Variants in NAV2 observed in about 807,000 individuals in gnomAD.
NAV2 encodes the protein neuron navigator 2.
In NAV2, 54 loss-of-function variants were observed where a neutral mutation model predicts 223.2. The observed-to-expected ratio is 0.24, with a 90% CI of 0.19 to 0.30. The LOEUF is 0.30. Ranked by LOEUF, NAV2 falls within the 10% of genes least tolerant of loss-of-function variation. The pLI, the probability that NAV2 is intolerant of heterozygous loss-of-function variation, is 1.00. For synonymous variants in NAV2, 1,279 were observed against 1,239.3 expected, an observed-to-expected ratio of 1.03 and a Z score of -0.67; for missense variants, 2,806 against 3,147.5, an observed-to-expected ratio of 0.89 and a Z score of 2.60.
chr11:20,022,815 G>A (rs2054624485), intron 11 of NAV2: 20 of 1,261,580 alleles, frequency 1.6e-5, no homozygotes, highest in Middle Eastern at 3.0e-4. Context: ...TCAGAGTTTG[G>A]TGTTAGCTTT....
chr11:19,729,120 T>C (rs943845309), intron 1 of NAV2, among the ~76,000 whole-genome samples: 1 of 151,854 alleles, frequency 6.6e-6, no homozygotes, highest in African/African-American at 2.4e-5. Flanking sequence ...ACCAAGTGAG[T>C]GTGCATAAGA....
At position 19,766,002 on chromosome 11, in the gene NAV2, C is replaced by T. The variant is rs185443108; in HGVS notation, c.267+52040C>T. On this transcript the variant is annotated intron_variant, in intron 1 of 37. Transcript: ENST00000349880. ...CAGGGCAGGTGCCAGCTTTGTCTGT[C>T]TCATTCCTCACTCTCCCTCCCTATC... Among the ~76,000 whole-genome samples, 28 of 152,276 alleles carry T rather than the reference C, an allele frequency of 1.8e-4. No individual in the cohort carries two copies. The East Asian group carries it at 2.7e-3, about 15-fold the overall frequency.
intron 1 of NAV2, among the ~76,000 whole-genome samples, chr11:19,618,044 C>G (rs1008879935): frequency 3.9e-5 from 6 of 152,256 alleles, no homozygotes; most frequent in Non-Finnish European, 7.3e-5. Context: ...TCATCATCTT[C>G]TCACATACTC....
chr11:19,604,931 T>G (rs547376531), intron 1 of NAV2, among the ~76,000 whole-genome samples: 1 of 152,326 alleles, frequency 6.6e-6, no homozygotes, highest in Middle Eastern at 3.4e-3. Flanking sequence ...AGACATGACT[T>G]GCTCCTCCTT....
chr11:19,647,664 G>A (rs1321935903), intron 1 of NAV2, among the ~76,000 whole-genome samples: 2 of 152,126 alleles, frequency 1.3e-5, no homozygotes, highest in South Asian at 2.1e-4. Flanking sequence ...TGCTGTGTCT[G>A]TAGCCAGTCA....
At chr11:19,675,584 A>G (rs551743934) in intron 1 of NAV2, among the ~76,000 whole-genome samples, 90 of 152,356 alleles carry the variant, frequency 5.9e-4, no homozygotes, top group African/African-American at 1.9e-3. Flanking sequence ...TAGGTGTTCA[A>G]TAAATACCTG....
At chr11:19,586,136 C>T (rs1026874137) in intron 1 of NAV2, among the ~76,000 whole-genome samples, 1 of 152,294 alleles carries the variant, frequency 6.6e-6, no homozygotes, top group African/African-American at 2.4e-5. Context: ...CATTTATCTT[C>T]CATCACTGAT....
chr11:19,546,088 A>G (rs1399201199), intron 1 of NAV2, among the ~76,000 whole-genome samples: 1 of 152,080 alleles, frequency 6.6e-6, no homozygotes, highest in Non-Finnish European at 1.5e-5. Context: ...ATGGAGCTCA[A>G]TTTTAAAACC....
chr11:20,110,669 C>G (rs2062548933), intron 36 of NAV2, among the ~76,000 whole-genome samples: 1 of 152,162 alleles, frequency 6.6e-6, no homozygotes, highest in African/African-American at 2.4e-5. Flanking sequence ...CTTGGGGAAC[C>G]AAATACTGAA....
At chr11:19,517,304 TC>T (rs939518938) in intron 1 of NAV2, among the ~76,000 whole-genome samples, 7 of 152,190 alleles carry the variant, frequency 4.6e-5, no homozygotes, top group African/African-American at 1.4e-4. Flanking sequence ...GGCATTTATC[TC>T]CCTGGTTTAA....
chr11:20,027,486 TG>T, intron 11 of NAV2: 2 of 982,694 alleles, frequency 2.0e-6, no homozygotes, highest in Non-Finnish European at 2.4e-6. Context: ...TGGATGCAGC[TG>T]GTCACAGCTG....
chr11:20,019,859 G>A (rs1321677558), intron 11 of NAV2, among the ~76,000 whole-genome samples: 2 of 152,108 alleles, frequency 1.3e-5, no homozygotes, highest in African/African-American at 4.8e-5. Flanking sequence ...AGCCATTGAT[G>A]TTCTCAGGGA....
At chr11:19,983,411 G>A (rs2568119) in intron 10 of NAV2, among the ~76,000 whole-genome samples, 56,920 of 152,082 alleles carry the variant, frequency 0.37, 12,817 homozygotes, top group African/African-American at 0.63. Context: ...GAGTTTTGTG[G>A]CAACCCCCTG....
intron 1 of NAV2, among the ~76,000 whole-genome samples, chr11:19,521,232 C>T (rs17597260): frequency 0.14 from 21,116 of 152,024 alleles, 1,786 homozygotes; most frequent in South Asian, 0.24. Context: ...GATTGAGTCA[C>T]GTGCTACTGC....
At chr11:19,379,546 A>G (rs1848762101) in intron 1 of NAV2, among the ~76,000 whole-genome samples, 1 of 152,154 alleles carries the variant, frequency 6.6e-6, no homozygotes, top group South Asian at 2.1e-4. Flanking sequence ...TGTGGAGGAA[A>G]GGGCAGAGAA....
intron 1 of NAV2, among the ~76,000 whole-genome samples, chr11:19,661,842 A>C (rs1441726359): frequency 6.6e-6 from 1 of 152,234 alleles, no homozygotes; most frequent in Admixed American, 6.5e-5. Context: ...TCATATAATA[A>C]GGAAACTAAT....
chr11:19,961,895 G>A (rs1179116505), intron 10 of NAV2, among the ~76,000 whole-genome samples: 2 of 151,960 alleles, frequency 1.3e-5, no homozygotes, highest in African/African-American at 4.8e-5. Flanking sequence ...GCTCCTGGCT[G>A]GATCAGAGTT....
chr11:19,600,556 G>A (rs1237201948), intron 1 of NAV2, among the ~76,000 whole-genome samples: 1 of 152,170 alleles, frequency 6.6e-6, no homozygotes, highest in Admixed American at 6.5e-5. Flanking sequence ...ACAGCATTGT[G>A]GCTAAGAACA....
chr11:20,015,679 A>G (rs2053944501), intron 11 of NAV2, among the ~76,000 whole-genome samples: 1 of 152,116 alleles, frequency 6.6e-6, no homozygotes, highest in Non-Finnish European at 1.5e-5. Flanking sequence ...TTGACATACC[A>G]CTGTTTCCCC....
Sources: allele counts gnomAD v4.1 joint callset (sites outside exome capture counted in the v4.1 genomes callset), GRCh38; gene constraint gnomAD v4.1.1; transcripts MANE v1.5; gene names NCBI Gene and HGNC (gene_info 2026-07-23, HGNC 2026-07-21).